The following RIPOR2 variants were observed in gnomAD, a reference collection of about 807,000 sequenced individuals.
RIPOR2 encodes RHO family interacting cell polarization regulator 2, also known as rho family-interacting cell polarization regulator 2.
RIPOR2 carries 39 observed loss-of-function variants against 114.5 expected under a neutral mutation model. The observed-to-expected ratio is 0.34, with a 90% CI of 0.26 to 0.44. The LOEUF (loss-of-function observed/expected upper bound fraction) is 0.44. Among genes scored for constraint, RIPOR2 ranks in the 20% least tolerant of loss-of-function variants. The pLI, the probability that RIPOR2 is intolerant of heterozygous loss-of-function variation, is 1.00. For synonymous variants in RIPOR2, 445 were observed against 484.4 expected (o/e 0.92, Z 1.07); for missense variants, 1,007 against 1,255.1 (o/e 0.80, Z 2.99).
At chr6:24,828,316 C>T in intron 17 of RIPOR2, 21 bp from the exon 18 acceptor site, 1 of 1,522,096 alleles carries the variant, frequency 6.6e-7, no homozygotes, top group Non-Finnish European at 8.8e-7. Context: ...GGGAAAGACA[C>T]AAAGCAGCTT....
chr6:24,914,319 AAAC>A (rs150955608), intron 1 of RIPOR2, among the ~76,000 whole-genome samples: 2,640 of 151,978 alleles, frequency 0.017, 65 homozygotes, highest in African/African-American at 0.058. Context: ...CCTGGGTGTC[AAAC>A]AACAACAACA....
At chr6:24,986,340 TA>T (rs1351230306) in intron 1 of RIPOR2, among the ~76,000 whole-genome samples, 1 of 152,252 alleles carries the variant, frequency 6.6e-6, no homozygotes, top group Non-Finnish European at 1.5e-5. Flanking sequence ...TGTGTCTTGA[TA>T]CTTTTTGGAG....
chr6:24,974,744 C>T (rs1773957225), intron 1 of RIPOR2, among the ~76,000 whole-genome samples: 1 of 152,140 alleles, frequency 6.6e-6, no homozygotes, highest in South Asian at 2.1e-4. Context: ...AAAATGGAAA[C>T]AACTGTTCAT....
chr6:25,015,888 G>GTGT (rs1775952082), intron 1 of RIPOR2: 1 of 74,046 alleles, frequency 1.4e-5, no homozygotes, highest in African/African-American at 5.6e-5. Context: ...AAAAACGCAG[G>GTGT]TTTTTTGGTT....
chr6:24,974,108 G>T (rs1315878243), intron 1 of RIPOR2, among the ~76,000 whole-genome samples: 1 of 152,194 alleles, frequency 6.6e-6, no homozygotes, highest in East Asian at 1.9e-4. Context: ...AAGTTGTGTT[G>T]GGTGGTGGCT....
At chr6:25,031,732 T>TAAA (rs1223792956) in intron 1 of RIPOR2, among the ~76,000 whole-genome samples, 9 of 105,946 alleles carry the variant, frequency 8.5e-5, no homozygotes, top group East Asian at 3.1e-4. Flanking sequence ...TATATATATA[T>TAAA]ATATATATAT....
chr6:25,024,583 C>A (rs960843741), intron 1 of RIPOR2: 40 of 502,958 alleles, frequency 8.0e-5, no homozygotes, highest in African/African-American at 7.0e-4. Flanking sequence ...GGCGACAGAA[C>A]AAGAGCAGTC....
chr6:24,938,155 T>C (rs1404359349), upstream of RIPOR2, among the ~76,000 whole-genome samples: 1 of 152,184 alleles, frequency 6.6e-6, no homozygotes, highest in East Asian at 1.9e-4. Context: ...TTATATCATA[T>C]TGGAGGAGGA....
intron 1 of RIPOR2, among the ~76,000 whole-genome samples, chr6:25,006,657 C>T (rs912948598): frequency 2.0e-5 from 3 of 152,138 alleles, no homozygotes; most frequent in Non-Finnish European, 2.9e-5. Flanking sequence ...CTGTGGAGTA[C>T]GGACTGTACC....
At chr6:25,031,977 AG>A (rs927569694) in intron 1 of RIPOR2, among the ~76,000 whole-genome samples, 1 of 151,514 alleles carries the variant, frequency 6.6e-6, no homozygotes, top group Non-Finnish European at 1.5e-5. Context: ...TGCCATTTAG[AG>A]GGTTGCTTGT....
chr6:24,974,587 C>T (rs59935869), intron 1 of RIPOR2, among the ~76,000 whole-genome samples: 2,845 of 152,250 alleles, frequency 0.019, 41 homozygotes, highest in African/African-American at 0.037. Flanking sequence ...GGTGCAGTAG[C>T]TTTGGAAAGG....
At chr6:24,951,090 C>T (rs373700825) in intron 1 of RIPOR2, among the ~76,000 whole-genome samples, 2 of 152,126 alleles carry the variant, frequency 1.3e-5, no homozygotes, top group Admixed American at 6.5e-5. Context: ...TAGGCAAGAG[C>T]GATCAGAGAC....
At chr6:24,986,694 A>G (rs1204709211) in intron 1 of RIPOR2, among the ~76,000 whole-genome samples, 1 of 152,188 alleles carries the variant, frequency 6.6e-6, no homozygotes, top group East Asian at 1.9e-4. Context: ...AAGACAATGA[A>G]AAATCTAAAC....
intron 1 of RIPOR2, among the ~76,000 whole-genome samples, chr6:24,912,769 C>A (rs891600521): frequency 6.6e-6 from 1 of 152,160 alleles, no homozygotes; most frequent in African/African-American, 2.4e-5. Flanking sequence ...TATTTCCCCA[C>A]CTTCCCACTC....
At chr6:25,032,089 AG>A (rs1777012304) in intron 1 of RIPOR2, among the ~76,000 whole-genome samples, 1 of 151,456 alleles carries the variant, frequency 6.6e-6, no homozygotes, top group Admixed American at 6.6e-5. Flanking sequence ...CTTGGTCCAG[AG>A]GGGAAGAGCT....
At chr6:24,863,400 G>A (rs578158298) in intron 7 of RIPOR2, among the ~76,000 whole-genome samples, 3 of 152,328 alleles carry the variant, frequency 2.0e-5, no homozygotes, top group African/African-American at 7.2e-5. Flanking sequence ...ACTTGATCAA[G>A]GGTGGCTGTG....
intron 1 of RIPOR2, among the ~76,000 whole-genome samples, chr6:25,018,979 TGGGA>T (rs1232443392): frequency 6.6e-6 from 1 of 152,202 alleles, no homozygotes; most frequent in Non-Finnish European, 1.5e-5. Context: ...ACCTATTAGC[TGGGA>T]TTTTCTCATC....
chr6:24,981,624 TCACCCG>T, intron 1 of RIPOR2, among the ~76,000 whole-genome samples: 1 of 152,278 alleles, frequency 6.6e-6, no homozygotes, highest in African/African-American at 2.4e-5. Flanking sequence ...AAGCCTTGAG[TCACCCG>T]CACTCTGGTA....
intron 1 of RIPOR2, among the ~76,000 whole-genome samples, chr6:25,006,012 T>C (rs1775549784): frequency 6.6e-6 from 1 of 152,112 alleles, no homozygotes; most frequent in South Asian, 2.1e-4. Flanking sequence ...GCTTTTTAAA[T>C]TTTGAATCCT....
Sources: allele counts gnomAD v4.1 joint callset (sites outside exome capture counted in the v4.1 genomes callset), GRCh38; gene constraint gnomAD v4.1.1; transcripts MANE v1.5; gene names NCBI Gene and HGNC (gene_info 2026-07-23, HGNC 2026-07-21).